VEPH1: variants seen among roughly 807,000 people sequenced by gnomAD.
VEPH1 encodes ventricular zone expressed PH domain containing 1.
In VEPH1, 80 loss-of-function variants were observed where a neutral mutation model predicts 85.2. That is an observed-to-expected ratio of 0.94 (90% confidence interval 0.78 to 1.13). The LOEUF (loss-of-function observed/expected upper bound fraction) is 1.13, where lower values mean the gene tolerates loss of function less well. Ranked by LOEUF, VEPH1 falls within the 50% of genes most tolerant of loss-of-function variation. VEPH1 has a pLI of 0.00. For missense variants in VEPH1, 955 were observed against 980.5 expected, an observed-to-expected ratio of 0.97 and a Z score of 0.35; for synonymous variants, 297 against 348.0, an observed-to-expected ratio of 0.85 and a Z score of 1.63.
At chr3:157,335,346 G>C (rs78275940) in intron 9 of VEPH1, among the ~76,000 whole-genome samples, 8 of 151,982 alleles carry the variant, frequency 5.3e-5, no homozygotes, top group African/African-American at 1.9e-4. Flanking sequence ...TCAGTGAGCC[G>C]TGTTTGCATC....
In VEPH1 at chr3:157,357,713, G is replaced by A. The variant is rs1378122997; in HGVS notation, c.1735+5651C>T. Reference sequence around the variant, plus strand: ...TTGCCATTTTGGCCAGGCTAGTCTCGAACTCCTGACCTCAGGTGATCCGCC... The same window carrying A: ...TTGCCATTTTGGCCAGGCTAGTCTCAAACTCCTGACCTCAGGTGATCCGCC... On this transcript the variant is annotated intron_variant, in intron 9 of 13. Transcript: ENST00000362010. Among the ~76,000 whole-genome samples the A allele has an allele frequency of 1.6e-4, 24 of 151,986 alleles. 1 individual carries two copies. Among genetic ancestry groups the A allele is most frequent in the Admixed American group, 1.4e-3 (21 of 15,250 alleles).
rs149172951 is a variant in VEPH1, at chr3:157,417,659, T to C, written c.697-3569A>G. Reference sequence around the variant, plus strand: ...ATGGCACTGATCACTCACAGTGGCTTGAACACAGAGAGAAATCTCATACTT... The same window carrying C: ...ATGGCACTGATCACTCACAGTGGCTCGAACACAGAGAGAAATCTCATACTT... On this transcript the variant is annotated intron_variant, in intron 5 of 13. Coordinates refer to ENST00000362010, the MANE Select transcript of VEPH1 (RefSeq NM_001167912.2). 1.9e-4 allele frequency among the ~76,000 whole-genome samples: 29 copies of C among 152,328 alleles called. No homozygotes were observed. The East Asian group carries it at 5.2e-3, about 27-fold the overall frequency.
chr3:157,388,003 A>C (rs899144492), intron 6 of VEPH1, among the ~76,000 whole-genome samples: 16 of 152,148 alleles, frequency 1.1e-4, no homozygotes, highest in Non-Finnish European at 2.4e-4. Flanking sequence ...TTACAAATGT[A>C]AAAAAATAAT....
In VEPH1 at chr3:157,304,038, T is replaced by TATATACACAC; in HGVS notation, c.2010+9582_2010+9583insGTGTGTATAT. Among the ~76,000 whole-genome samples, 17 of 96,898 alleles carry TATATACACAC rather than the reference T, an allele frequency of 1.8e-4. 2 individuals carry two copies. The highest frequency in any genetic ancestry group is 1.5e-3 in the East Asian group (4 of 2,708). 63.6% of individuals were successfully genotyped at this position (96,898 alleles called of 152,430 possible). On this transcript the variant is annotated intron_variant, in intron 11 of 13. Coordinates refer to ENST00000362010, the MANE Select transcript of VEPH1 (RefSeq NM_001167912.2). ...CTTATATTTTTTATATATATATATA[T>TATATACACAC]ACACACATACTGTTACATCTTATAT... is the stretch of plus-strand genomic sequence containing the variant.
intron 9 of VEPH1, among the ~76,000 whole-genome samples, chr3:157,338,812 T>C (rs1723219448): frequency 6.6e-6 from 1 of 152,240 alleles, no homozygotes; most frequent in African/African-American, 2.4e-5. Flanking sequence ...TGCACATTGA[T>C]GGTATGGACA....
intron 12 of VEPH1, among the ~76,000 whole-genome samples, chr3:157,270,523 C>A (rs1714405591): frequency 1.3e-5 from 2 of 151,856 alleles, no homozygotes; most frequent in Admixed American, 1.3e-4. Flanking sequence ...TTTTCTGCAC[C>A]AAGTTAAAAA....
intron 5 of VEPH1, among the ~76,000 whole-genome samples, chr3:157,416,920 A>AGAAAGAAAGAAGAGAGAAAAG (rs1731963313): frequency 6.6e-6 from 1 of 152,016 alleles, no homozygotes; most frequent in South Asian, 2.1e-4. Flanking sequence ...AAGGAGAAAG[A>AGAAAGAAAGAAGAGAGAAAAG]GAAAGAAAGA....
At chr3:157,352,881 G>A (rs561471334) in intron 9 of VEPH1, among the ~76,000 whole-genome samples, 191 of 152,312 alleles carry the variant, frequency 1.3e-3, no homozygotes, top group Non-Finnish European at 2.3e-3. Context: ...GCTAGTGTGT[G>A]AAGCCAGCTA....
chr3:157,314,949 C>T (rs1188329284), intron 10 of VEPH1, among the ~76,000 whole-genome samples: 2 of 151,716 alleles, frequency 1.3e-5, no homozygotes, highest in Non-Finnish European at 2.9e-5. Flanking sequence ...TAGTGTTATA[C>T]CTATAAATGT....
chr3:157,262,341 G>A (rs1008963751), intron 13 of VEPH1, among the ~76,000 whole-genome samples: 12 of 151,774 alleles, frequency 7.9e-5, no homozygotes, highest in African/African-American at 2.9e-4. Context: ...ATTAAGCTTG[G>A]CATTATACTT....
intron 2 of VEPH1, among the ~76,000 whole-genome samples, chr3:157,472,458 A>G (rs897355350): frequency 1.3e-5 from 2 of 152,116 alleles, no homozygotes; most frequent in African/African-American, 4.8e-5. Flanking sequence ...TCTGTCTGCC[A>G]TTTCTCAATT....
At position 157,373,896 on chromosome 3, in the gene VEPH1, GT is replaced by G. The variant is rs1727792563; in HGVS notation, c.1127+7259del. On this transcript the variant is annotated intron_variant, in intron 7 of 13. Coordinates refer to ENST00000362010, the MANE Select transcript of VEPH1 (RefSeq NM_001167912.2). The stretch of plus-strand genomic sequence containing the variant: ...GCTGCCCGAGTCTCTACCCTACTGT[GT>G]CCTTACATGGCAGAGCCAGCCTGTC... Among the ~76,000 whole-genome samples, 3 of 152,112 alleles carry G rather than the reference GT, an allele frequency of 2.0e-5. No homozygotes were observed. In the South Asian group the frequency reaches 6.2e-4, roughly 32 times the overall value.
intron 3 of VEPH1, among the ~76,000 whole-genome samples, chr3:157,465,024 C>G (rs1736231161): frequency 6.6e-6 from 1 of 152,178 alleles, no homozygotes; most frequent in Admixed American, 6.5e-5. Flanking sequence ...AATTTTCTGA[C>G]AGGTAATAGG....
intron 11 of VEPH1, among the ~76,000 whole-genome samples, chr3:157,294,355 G>A (rs77464295): frequency 1.2e-3 from 186 of 152,200 alleles, no homozygotes; most frequent in Non-Finnish European, 1.8e-3. Context: ...GAACAGATAC[G>A]TATTCTTGAA....
At chr3:157,494,024 C>T (rs1739446202) in intron 2 of VEPH1, among the ~76,000 whole-genome samples, 1 of 152,086 alleles carries the variant, frequency 6.6e-6, no homozygotes, top group Non-Finnish European at 1.5e-5. Context: ...TTGTGCTTTG[C>T]GTCAACCTAA....
intron 3 of VEPH1, among the ~76,000 whole-genome samples, chr3:157,462,708 A>G (rs1354443928): frequency 6.6e-6 from 1 of 152,180 alleles, no homozygotes; most frequent in Non-Finnish European, 1.5e-5. Context: ...TCATATCATC[A>G]GCCTTTTACA....
intron 12 of VEPH1, 41 bp from the exon 13 acceptor site, chr3:157,265,703 A>G (rs931796225): frequency 1.2e-6 from 2 of 1,605,072 alleles, no homozygotes; most frequent in East Asian, 2.2e-5. Context: ...GTATTTTCCA[A>G]TATTTACTAG....
intron 6 of VEPH1, among the ~76,000 whole-genome samples, chr3:157,403,758 G>T (rs1191815848): frequency 2.6e-5 from 4 of 152,120 alleles, no homozygotes; most frequent in Non-Finnish European, 5.9e-5. Context: ...AAACAAGTGG[G>T]TCTTGCAAAG....
intron 5 of VEPH1, among the ~76,000 whole-genome samples, chr3:157,423,826 T>G (rs1274297902): frequency 6.6e-6 from 1 of 152,254 alleles, no homozygotes; most frequent in Non-Finnish European, 1.5e-5. Context: ...CTATTGTGGC[T>G]AATTATGCAT....
Sources: gnomAD v4.1 joint callset for allele counts (sites outside exome capture counted in the v4.1 genomes callset) on GRCh38, gnomAD v4.1.1 for gene constraint, MANE v1.5 for transcripts, NCBI Gene and HGNC (gene_info 2026-07-23, HGNC 2026-07-21) for gene names.